The following ZRANB3 variants were observed in gnomAD, a reference collection of about 807,000 sequenced individuals.
ZRANB3 encodes zinc finger RANBP2-type containing 3, also known as DNA annealing helicase and endonuclease ZRANB3.
ZRANB3 carries 125 observed loss-of-function variants against 133.8 expected under a neutral mutation model. That is an observed-to-expected ratio of 0.93 (90% CI 0.81 to 1.08). ZRANB3 has a LOEUF of 1.08. Ranked by LOEUF, ZRANB3 falls within the 50% of genes least tolerant of loss-of-function variation. The probability of loss-of-function intolerance (pLI) is 0.00; values close to 1 mark genes in which losing one functional copy is unlikely to be tolerated. For synonymous variants in ZRANB3, 387 were observed against 432.7 expected, an observed-to-expected ratio of 0.89 and a Z score of 1.31; for missense variants, 1,229 against 1,275.5, an observed-to-expected ratio of 0.96 and a Z score of 0.56.
intron 1 of ZRANB3, among the ~76,000 whole-genome samples, chr2:135,517,079 T>C (rs971889803): frequency 2.0e-5 from 3 of 151,934 alleles, no homozygotes; most frequent in Non-Finnish European, 4.4e-5. Context: ...TTGATATTTG[T>C]GTATGATTCA....
In ZRANB3 at chr2:135,230,776, A is replaced by C. The variant is rs199511562; in HGVS notation, c.1691T>G (p.Ile564Ser). ...SDPTKTAARD[I>S]IDYESDVEPE... Reference sequence around the variant, plus strand: ...TTCAACATCACTTTCATAATCGATGATATCTCTTGCAGCTGTTTTTGTAGG... The same window carrying C: ...TTCAACATCACTTTCATAATCGATGCTATCTCTTGCAGCTGTTTTTGTAGG... Residue 564 changes from isoleucine to serine, a missense_variant, in exon 13 of 21, where the codon ATC becomes AGC. Coordinates refer to ENST00000264159, the MANE Select transcript of ZRANB3 (RefSeq NM_032143.4). 1.4e-5 allele frequency: 23 copies of C among 1,613,866 alleles called. No homozygotes were observed. In the East Asian group the frequency reaches 4.9e-4, roughly 34 times the overall value.
At chr2:135,229,368 T>A (rs1025441194) in intron 13 of ZRANB3, among the ~76,000 whole-genome samples, 10 of 124,346 alleles carry the variant, frequency 8.0e-5, no homozygotes, top group East Asian at 2.0e-4. Context: ...ATGCCAATAT[T>A]TTTTTTTTTT....
chr2:135,230,657 G>A lies in ZRANB3; in HGVS notation c.1810C>T (p.Leu604Phe), dbSNP rs753768647. The A allele has an allele frequency of 1.9e-6, 3 of 1,613,776 alleles. No homozygotes were observed. Among genetic ancestry groups the A allele is most frequent in the South Asian group, 2.2e-5 (2 of 90,966 alleles). Residue 604 changes from leucine to phenylalanine, a missense_variant, in exon 13 of 21, where the codon CTC (leucine) becomes TTC (phenylalanine). Leu to Phe is a conservative substitution (Grantham distance 22). Coordinates refer to ENST00000264159, the MANE Select transcript of ZRANB3 (RefSeq NM_032143.4). Reference sequence around the variant, plus strand: ...TTGGCCTCCTGTACACTTTCCACGAGTGGAGTTCGGATTTGCTTGGACTGG... The same window carrying A: ...TTGGCCTCCTGTACACTTTCCACGAATGGAGTTCGGATTTGCTTGGACTGG... ...PSQSKQIRTP[L>F]VESVQEAKAQ...
chr2:135,403,919 C>A (rs1251110203), intron 2 of ZRANB3, among the ~76,000 whole-genome samples: 1 of 152,210 alleles, frequency 6.6e-6, no homozygotes, highest in Non-Finnish European at 1.5e-5. Context: ...AACTAACAAA[C>A]AGAAAGGACA....
chr2:135,427,370 G>C (rs1430022697), intron 2 of ZRANB3, among the ~76,000 whole-genome samples: 1 of 152,080 alleles, frequency 6.6e-6, no homozygotes, highest in African/African-American at 2.4e-5. Flanking sequence ...CAACGCCACA[G>C]GATACAAAAT....
chr2:135,245,635 T>C (rs1695755466), intron 12 of ZRANB3, among the ~76,000 whole-genome samples: 3 of 151,586 alleles, frequency 2.0e-5, no homozygotes, highest in South Asian at 2.1e-4. Context: ...GTATTTTTAA[T>C]AGAGACAGGG....
chr2:135,387,299 C>T (rs1216289820), intron 3 of ZRANB3, among the ~76,000 whole-genome samples: 1 of 152,166 alleles, frequency 6.6e-6, no homozygotes, highest in Non-Finnish European at 1.5e-5. Context: ...ATAAATTGTA[C>T]TTCCTTCTCT....
At position 135,329,776 on chromosome 2, in the gene ZRANB3, T is replaced by C. The variant is rs192386561; in HGVS notation, c.678-14246A>G. Among the ~76,000 whole-genome samples, 17 of 152,350 alleles carry C rather than the reference T, an allele frequency of 1.1e-4. No individual in the cohort carries two copies. In the East Asian group the frequency reaches 3.1e-3, roughly 28 times the overall value. On this transcript the variant is annotated intron_variant, in intron 6 of 20. Transcript: ENST00000264159. ...GCTCTCTTTGAAGAGGTCCTTCACATCCTTTGTAAGTTGGATTCCTTTGTA... is the reference window on the plus strand; with the variant it reads ...GCTCTCTTTGAAGAGGTCCTTCACACCCTTTGTAAGTTGGATTCCTTTGTA...
chr2:135,316,099 C>T (rs958532460), intron 6 of ZRANB3, among the ~76,000 whole-genome samples: 1 of 152,010 alleles, frequency 6.6e-6, no homozygotes, highest in Non-Finnish European at 1.5e-5. Context: ...TAAAAGAACA[C>T]AAAATTACTA....
intron 13 of ZRANB3, among the ~76,000 whole-genome samples, chr2:135,229,318 C>A (rs1181643637): frequency 6.6e-6 from 1 of 151,694 alleles, no homozygotes; most frequent in East Asian, 1.9e-4. Flanking sequence ...GAGGAAGGAA[C>A]TGCAATATCA....
chr2:135,376,508 T>TA (rs988245426), intron 3 of ZRANB3, among the ~76,000 whole-genome samples: 2 of 152,142 alleles, frequency 1.3e-5, no homozygotes, highest in African/African-American at 4.8e-5. Context: ...AAATCAGTGA[T>TA]AAAAAGAAAA....
intron 8 of ZRANB3, among the ~76,000 whole-genome samples, chr2:135,303,205 A>T (rs1255253850): frequency 6.6e-6 from 1 of 152,002 alleles, no homozygotes; most frequent in African/African-American, 2.4e-5. Context: ...GTATATATAT[A>T]TTTTTTACCA....
At chr2:135,425,943 T>C in intron 2 of ZRANB3, among the ~76,000 whole-genome samples, 1 of 151,610 alleles carries the variant, frequency 6.6e-6, no homozygotes, top group Non-Finnish European at 1.5e-5. Flanking sequence ...GATAGACCAC[T>C]AGCTAGGCTG....
At chr2:135,475,053 C>T (rs1691445945) in intron 2 of ZRANB3, among the ~76,000 whole-genome samples, 2 of 152,206 alleles carry the variant, frequency 1.3e-5, no homozygotes, top group African/African-American at 2.4e-5. Flanking sequence ...CATGCTTGTT[C>T]TGCAGACAAA....
chr2:135,320,070 C>T (rs1294153508), intron 6 of ZRANB3, among the ~76,000 whole-genome samples: 1 of 152,026 alleles, frequency 6.6e-6, no homozygotes, highest in Non-Finnish European at 1.5e-5. Flanking sequence ...CACTATGTTG[C>T]CCAGGCTAGA....
At chr2:135,410,819 T>C (rs908584079) in intron 2 of ZRANB3, among the ~76,000 whole-genome samples, 20 of 152,068 alleles carry the variant, frequency 1.3e-4, no homozygotes, top group Admixed American at 1.1e-3. Flanking sequence ...AACAGACACT[T>C]CTCAAAAGAC....
rs59739293 is a variant in ZRANB3 at position 135,287,670 on chromosome 2, C to CTTTTTTTTTTTT, written c.967-11927_967-11916dup. Among the ~76,000 whole-genome samples the CTTTTTTTTTTTT allele has an allele frequency of 1.6e-3, 153 of 97,990 alleles. 2 individuals are homozygous for CTTTTTTTTTTTT. Among genetic ancestry groups the CTTTTTTTTTTTT allele is most frequent in the African/African-American group, 5.3e-3 (120 of 22,812 alleles). The allele number at this position is 97,990 out of a possible 152,430, so 64.3% of individuals were successfully genotyped here. On this transcript the variant is annotated intron_variant, in intron 8 of 20. Transcript: ENST00000264159. ...GTCCTTGGTTAGGTATATTTCTTTCCTTTTTTTTTTTTTTTTTTGCAGCTA... is the reference window on the plus strand; with the variant it reads ...GTCCTTGGTTAGGTATATTTCTTTCCTTTTTTTTTTTTTTTTTTTTTTTTTTTTTTGCAGCTA...
chr2:135,348,070 C>T (rs1436074474), intron 5 of ZRANB3, among the ~76,000 whole-genome samples: 1 of 151,762 alleles, frequency 6.6e-6, no homozygotes, highest in Non-Finnish European at 1.5e-5. Context: ...ACCAGCCTGG[C>T]CAACATGGTA....
chr2:135,326,787 C>A (rs1185297316), intron 6 of ZRANB3, among the ~76,000 whole-genome samples: 2 of 151,158 alleles, frequency 1.3e-5, no homozygotes, highest in African/African-American at 4.9e-5. Flanking sequence ...GTAGTCCCAG[C>A]TACTCAGGAG....
Sources: allele counts gnomAD v4.1 joint callset (sites outside exome capture counted in the v4.1 genomes callset), GRCh38; gene constraint gnomAD v4.1.1; transcripts MANE v1.5; gene names NCBI Gene and HGNC (gene_info 2026-07-23, HGNC 2026-07-21).